Variants in PALM3 observed in about 807,000 individuals in gnomAD.
The protein encoded by PALM3 is paralemmin 3.
Under a neutral mutation model 27.9 loss-of-function variants are expected in PALM3, and 20 were observed. That is an observed-to-expected ratio of 0.72 (90% confidence interval 0.50 to 1.04). The LOEUF (loss-of-function observed/expected upper bound fraction) is 1.04, where lower values mean the gene tolerates loss of function less well. PALM3 is among the 50% of genes least tolerant of loss of function. The pLI is 0.00. For missense variants in PALM3, 814 were observed against 869.4 expected (o/e 0.94, Z 0.80); for synonymous variants, 328 against 352.7 (o/e 0.93, Z 0.79).
At chr19:14,058,300 T>C (rs1599310020) in intron 2 of PALM3, among the ~76,000 whole-genome samples, 1 of 121,014 alleles carries the variant, frequency 8.3e-6, no homozygotes, top group Non-Finnish European at 1.7e-5. Context: ...TGCAGATAGG[T>C]GGGGTATAGA....
intron 5 of PALM3, among the ~76,000 whole-genome samples, chr19:14,056,152 G>A (rs535098830): frequency 3.9e-5 from 6 of 152,066 alleles, no homozygotes; most frequent in Non-Finnish European, 8.8e-5. Context: ...TAAGTGATCC[G>A]CCCACCTCGG....
At chr19:14,059,839 T>C (rs1342505858) in intron 1 of PALM3, among the ~76,000 whole-genome samples, 1 of 152,090 alleles carries the variant, frequency 6.6e-6, no homozygotes, top group East Asian at 1.9e-4. Context: ...TCACTCTGCC[T>C]AGGACTGGAC....
chr19:14,060,263 C>G (rs1256408328), intron 1 of PALM3, among the ~76,000 whole-genome samples: 1 of 151,994 alleles, frequency 6.6e-6, no homozygotes, highest in African/African-American at 2.4e-5. Flanking sequence ...GTGGCCACAA[C>G]GTGAAGGCTA....
Position 14,054,405 on chromosome 19 carries a change from C to G in PALM3, c.1267G>C (p.Glu423Gln). ...AEESMGIGSE[E>Q]KPGTGRDEAE... ...TCATCCCTCCCTGTCCCTGGCTTTT[C>G]CTCACTTCCTATTCCCATGGATTCT... is the stretch of plus-strand genomic sequence containing the variant. The change falls in exon 7 of 7, where the codon GAA becomes CAA. Residue 423 changes from glutamate to glutamine, a missense_variant. Transcript: ENST00000669674. 2 of 1,551,988 alleles carry G rather than the reference C, an allele frequency of 1.3e-6. No individual in the cohort carries two copies. Among genetic ancestry groups the G allele is most frequent in the Non-Finnish European group, 1.7e-6 (2 of 1,147,014 alleles).
At chr19:14,056,849 G>A (rs776042636) in intron 3 of PALM3, 45 bp from the exon 4 acceptor site, 5 of 1,498,210 alleles carry the variant, frequency 3.3e-6, no homozygotes, top group African/African-American at 1.4e-5. Context: ...AGACTACCCC[G>A]GTCCATGTAA....
chr19:14,053,495 G>A lies in PALM3; in HGVS notation c.*110C>T. Reference sequence around the variant, plus strand: ...GACGTGCAGGCTAGCTGGCTCCCAGGTGCCATGGCCAGTCCTGTGGTCCCT... The same window carrying A: ...GACGTGCAGGCTAGCTGGCTCCCAGATGCCATGGCCAGTCCTGTGGTCCCT... On this transcript the variant is annotated 3_prime_UTR_variant, in exon 7 of 7. Transcript: ENST00000669674. 7.8e-7 allele frequency: 1 copy of A among 1,284,702 alleles called. No homozygotes were observed. Among genetic ancestry groups the A allele is most frequent in the Non-Finnish European group, 1.0e-6 (1 of 979,928 alleles). 79.6% of individuals were successfully genotyped at this position (1,284,702 alleles called of 1,614,324 possible). A position where few individuals can be genotyped will look rare whatever the true frequency, so the allele number is the denominator to read the frequency against.
At chr19:14,057,237 GCCCGCTCC>G in intron 3 of PALM3, 106 bp downstream of exon 3, 1 of 607,118 alleles carries the variant, frequency 1.6e-6, no homozygotes, top group South Asian at 5.8e-5. Context: ...GCCCCCAACT[GCCCGCTCC>G]CCCCCAAAAA....
rs1465221174 is a variant in PALM3, at chr19:14,054,547, C to A, written c.1125G>T (p.Gly375=). Residue 375 remains glycine (G), a synonymous_variant, in exon 7 of 7, where the codon GGG becomes GGT. Transcript: ENST00000669674. ...SEEWEELLVE[G]LEGPEVAGRE... Reference sequence around the variant, plus strand: ...TCCCTGCCACCTCGGGCCCTTCCAACCCCTCCACCAGCAGCTCCTCCCACT... The same window carrying A: ...TCCCTGCCACCTCGGGCCCTTCCAAACCCTCCACCAGCAGCTCCTCCCACT... 8 of 1,551,802 alleles carry A rather than the reference C, an allele frequency of 5.2e-6. No individual in the cohort carries two copies. The East Asian group carries it at 1.2e-4, about 24-fold the overall frequency.
chr19:14,056,698 T>G lies in PALM3; in HGVS notation c.278A>C (p.Gln93Pro). Residue 93 changes from glutamine to proline, a missense_variant, in exon 4 of 7, where the codon CAG (glutamine) becomes CCG (proline). Transcript: ENST00000669674. The part of the protein sequence containing the change: ...KDPQSPEGQA[Q>P]ARIRNLEDSL... The stretch of plus-strand genomic sequence containing the variant: ...GTCTTCCAGGTTCCGGATTCGGGCC[T>G]GAGCCTGGCCCTCGGGTGACTGGGG... The G allele has an allele frequency of 6.4e-7, 1 of 1,551,766 alleles. No homozygotes were observed. Among genetic ancestry groups the G allele is most frequent in the Non-Finnish European group, 8.7e-7 (1 of 1,146,990 alleles).
Position 14,055,440 on chromosome 19 carries a change from G to A in PALM3, c.400-15C>T, listed in dbSNP as rs1187807423. On this transcript the variant is annotated splice_polypyrimidine_tract_variant and intron_variant, in intron 5 of 6. Coordinates refer to ENST00000669674, the MANE Select transcript of PALM3 (RefSeq NM_001145028.2). Reference sequence around the variant, plus strand: ...GGACGGTGACCCTGCAGAGATGGCGGAGACAAGGTCAGGCTGGCCCTCATC... The same window carrying A: ...GGACGGTGACCCTGCAGAGATGGCGAAGACAAGGTCAGGCTGGCCCTCATC... The A allele has an allele frequency of 6.4e-7, 1 of 1,551,332 alleles. No homozygotes were observed. Among genetic ancestry groups the A allele is most frequent in the Admixed American group, 2.0e-5 (1 of 50,968 alleles).
At chr19:14,061,579 C>G (rs756417978) in intron 1 of PALM3, among the ~76,000 whole-genome samples, 29 of 152,164 alleles carry the variant, frequency 1.9e-4, no homozygotes, top group Non-Finnish European at 3.5e-4. Flanking sequence ...CAAGCCTTTT[C>G]TCCCACCTTG....
intron 2 of PALM3, among the ~76,000 whole-genome samples, 172 bp downstream of exon 2, chr19:14,058,943 G>A (rs965486015): frequency 1.3e-5 from 2 of 151,954 alleles, no homozygotes; most frequent in Non-Finnish European, 2.9e-5. Flanking sequence ...CCATTCTGAG[G>A]GTGGTAGTGA....
At position 14,054,339 on chromosome 19, in the gene PALM3, T is replaced by C; in HGVS notation, c.1333A>G (p.Lys445Glu). The C allele has an allele frequency of 6.4e-7, 1 of 1,551,916 alleles. No individual in the cohort carries two copies. The highest frequency in any genetic ancestry group is 8.7e-7 in the Non-Finnish European group (1 of 1,147,046). Residue 445 changes from lysine to glutamate, a missense_variant, in exon 7 of 7, where the codon AAG becomes GAG. Coordinates refer to ENST00000669674, the MANE Select transcript of PALM3 (RefSeq NM_001145028.2). ...CCTCTGCTCTCCAGCTCCAACTTCT[T>C]CTCTCCTCCTTTCCTCTCTACCACT... Reference protein sequence around the residue: ...SPVVERKGGEKKLELESRGSA... With the variant: ...SPVVERKGGEEKLELESRGSA...
At chr19:14,055,606 C>A (rs891601508) in intron 5 of PALM3, among the ~76,000 whole-genome samples, 181 bp from the exon 6 acceptor site, 1 of 152,122 alleles carries the variant, frequency 6.6e-6, no homozygotes, top group African/African-American at 2.4e-5. Flanking sequence ...TGTTCCAGGG[C>A]CTTGCACACA....
chr19:14,059,208 G>A, intron 1 of PALM3, 45 bp from the exon 2 acceptor site: 1 of 1,430,412 alleles, frequency 7.0e-7, no homozygotes, highest in African/African-American at 1.5e-5. Context: ...CATCTTGAAC[G>A]CCCCCCTCTT....
chr19:14,053,770 G>A lies in PALM3; in HGVS notation c.1902C>T (p.Ala634=), dbSNP rs1056188394. 4.4e-5 allele frequency: 68 copies of A among 1,530,420 alleles called. No individual in the cohort carries two copies. The highest frequency in any genetic ancestry group is 5.3e-5 in the Non-Finnish European group (60 of 1,140,722). 94.8% of individuals were successfully genotyped at this position (1,530,420 alleles called of 1,614,324 possible). A position where few individuals can be genotyped will look rare whatever the true frequency, so the allele number is the denominator to read the frequency against. The change falls in exon 7 of 7, where the codon GCC becomes GCT. Residue 634 remains alanine, a synonymous_variant. Coordinates refer to ENST00000669674, the MANE Select transcript of PALM3 (RefSeq NM_001145028.2). ...CCCCCTGAAGCAGTGGCTGGCATTC[G>A]GCGGGCTGCTCTGGGGCTGGGGTCT... The part of the protein sequence containing the change: ...LAETPAPEQP[A]ECQPLLQGEG...
Position 14,061,962 on chromosome 19 carries a change from C to G in PALM3, c.19G>C (p.Val7Leu). 2 of 985,354 alleles carry G rather than the reference C, an allele frequency of 2.0e-6. No individual in the cohort carries two copies. The highest frequency in any genetic ancestry group is 2.4e-6 in the Non-Finnish European group (2 of 829,876). 61.0% of individuals were successfully genotyped at this position (985,354 alleles called of 1,614,324 possible). ...TACATGGGTGTGGCCAGAGACCACA[C>G]CTGGCTCTGCAGGGCCATCTCTGCC... MALQSQVWSLATPMPMA... is the reference protein window; with the variant it reads MALQSQLWSLATPMPMA... The change falls in exon 1 of 7, where the codon GTG becomes CTG. Residue 7 changes from valine (V) to leucine (L), a missense_variant. Val to Leu is a conservative substitution (Grantham distance 32, BLOSUM62 1). Transcript: ENST00000669674.
rs138317110 is a variant in PALM3, at chr19:14,053,615, G to A, written c.2057C>T (p.Ala686Val). 2.4e-4 allele frequency: 351 copies of A among 1,456,422 alleles called. 2 individuals carry two copies. The highest frequency in any genetic ancestry group is 2.2e-3 in the Middle Eastern group (12 of 5,490). 90.2% of individuals were successfully genotyped at this position (1,456,422 alleles called of 1,614,324 possible). The change falls in exon 7 of 7, where the codon GCG (alanine) becomes GTG (valine). Residue 686 changes from alanine to valine, a missense_variant. By Grantham distance (64) the Ala-to-Val change is moderately conservative. Transcript: ENST00000669674. The part of the protein sequence containing the change: ...GPKQKTCQCC[A>V]VM ...TGGAGGGGCATGGGTTCACATGACC[G>A]CACAACACTGGCACGTCTTTTGCTT...
Position 14,056,414 on chromosome 19 carries a change from T to C in PALM3, c.399+15A>G. ...GCCATGCCCTCCCATCCCACTCCCC[T>C]GATTCCCCCCTCACCTGTCTGCGCC... On this transcript the variant is annotated intron_variant, in intron 5 of 6. Transcript: ENST00000669674. 1 of 1,544,260 alleles carries C rather than the reference T, an allele frequency of 6.5e-7. No individual in the cohort carries two copies. Among genetic ancestry groups the C allele is most frequent in the Non-Finnish European group, 8.8e-7 (1 of 1,140,902 alleles).
Sources: gnomAD v4.1 joint callset for allele counts (sites outside exome capture counted in the v4.1 genomes callset) on GRCh38, gnomAD v4.1.1 for gene constraint, MANE v1.5 for transcripts, NCBI Gene and HGNC (gene_info 2026-07-23, HGNC 2026-07-21) for gene names.